The following SNX4 variants were observed in gnomAD, a reference collection of about 807,000 sequenced individuals.
The protein encoded by SNX4 is sorting nexin-4.
In SNX4, 49 loss-of-function variants were observed where a neutral mutation model predicts 70.8. The observed-to-expected ratio is 0.69, with a 90% CI of 0.55 to 0.88. SNX4 has a LOEUF of 0.88. Ranked by LOEUF, SNX4 falls within the 40% of genes least tolerant of loss-of-function variation. SNX4 has a pLI of 0.00. For synonymous variants in SNX4, 206 were observed against 183.8 expected, an observed-to-expected ratio of 1.12 and a Z score of -0.98; for missense variants, 528 against 544.8, an observed-to-expected ratio of 0.97 and a Z score of 0.31.
intron 1 of SNX4, among the ~76,000 whole-genome samples, chr3:125,505,554 A>C (rs72977771): frequency 2.4e-3 from 369 of 152,328 alleles, no homozygotes; most frequent in African/African-American, 8.6e-3. Flanking sequence ...TTCCTGGAAC[A>C]GCCTGATGCA....
At chr3:125,477,418 T>G (rs1934311837) in intron 7 of SNX4, among the ~76,000 whole-genome samples, 4 of 152,172 alleles carry the variant, frequency 2.6e-5, no homozygotes, top group Admixed American at 6.5e-5. Context: ...TTCACAGAAA[T>G]TTTACAAGTT....
intron 6 of SNX4, among the ~76,000 whole-genome samples, chr3:125,489,203 A>C (rs879669665): frequency 2.6e-5 from 4 of 152,218 alleles, no homozygotes; most frequent in Non-Finnish European, 4.4e-5. Flanking sequence ...GCAATGGTTT[A>C]ATTTTATAAA....
intron 7 of SNX4, among the ~76,000 whole-genome samples, chr3:125,477,773 G>A (rs1344439896): frequency 1.3e-5 from 2 of 152,130 alleles, no homozygotes; most frequent in Non-Finnish European, 2.9e-5. Context: ...CACTAGACTA[G>A]GGGTTAACAC....
Position 125,459,453 on chromosome 3 carries a change from T to G in SNX4, c.944+1318A>C, listed in dbSNP as rs1447062240. Among the ~76,000 whole-genome samples the G allele has an allele frequency of 2.6e-5, 4 of 152,300 alleles. No homozygotes were observed. In the East Asian group the frequency reaches 7.7e-4, roughly 29 times the overall value. ...CCACTGTACTCAGCAACTTTCTTTT[T>G]TGAGACAGAATCTCACTCTGTCACC... On this transcript the variant is annotated intron_variant, in intron 10 of 13. Transcript: ENST00000251775.
intron 6 of SNX4, among the ~76,000 whole-genome samples, chr3:125,487,198 A>C (rs993920129): frequency 2.6e-5 from 4 of 152,206 alleles, no homozygotes; most frequent in Non-Finnish European, 5.9e-5. Context: ...GAGATTCTAC[A>C]TATTAAGAAT....
chr3:125,480,199 A>C, intron 7 of SNX4, 48 bp downstream of exon 7: 1 of 1,140,204 alleles, frequency 8.8e-7, no homozygotes, highest in Non-Finnish European at 1.2e-6. Flanking sequence ...TTACATGAGA[A>C]GCACTTCCTT....
intron 7 of SNX4, among the ~76,000 whole-genome samples, chr3:125,479,023 A>G (rs1485586009): frequency 6.6e-6 from 1 of 152,248 alleles, no homozygotes; most frequent in Non-Finnish European, 1.5e-5. Flanking sequence ...ACGGGAGATC[A>G]AGACAATATA....
chr3:125,501,706 C>A (rs1463607972), intron 2 of SNX4, among the ~76,000 whole-genome samples: 2 of 152,020 alleles, frequency 1.3e-5, no homozygotes, highest in African/African-American at 4.8e-5. Flanking sequence ...GGCCCTACCC[C>A]AAATCCTGCA....
intron 11 of SNX4, among the ~76,000 whole-genome samples, chr3:125,455,471 C>A (rs1427095932): frequency 6.6e-6 from 1 of 152,152 alleles, no homozygotes; most frequent in Non-Finnish European, 1.5e-5. Context: ...GGGAAGGCAA[C>A]CCCAAGCTTC....
At chr3:125,508,641 C>G (rs1935101625) in intron 1 of SNX4, among the ~76,000 whole-genome samples, 1 of 151,500 alleles carries the variant, frequency 6.6e-6, no homozygotes, top group Non-Finnish European at 1.5e-5. Context: ...TACTACAAAG[C>G]TACAGTAATA....
intron 8 of SNX4, 71 bp from the exon 9 acceptor site, chr3:125,469,590 T>G (rs1282831065): frequency 1.9e-6 from 2 of 1,055,186 alleles, no homozygotes; most frequent in East Asian, 4.8e-5. Flanking sequence ...TGGACTCTTT[T>G]CAAGATTCTT....
chr3:125,451,094 C>T (rs1266650165), intron 13 of SNX4, among the ~76,000 whole-genome samples: 3 of 151,646 alleles, frequency 2.0e-5, no homozygotes, highest in Non-Finnish European at 2.9e-5. Context: ...AGCGAGACCC[C>T]CCCATATCTA....
At chr3:125,468,499 G>A (rs369720029) in intron 9 of SNX4, among the ~76,000 whole-genome samples, 3 of 151,844 alleles carry the variant, frequency 2.0e-5, no homozygotes, top group East Asian at 1.9e-4. Flanking sequence ...CCAGAAGTTT[G>A]AGACCAGCCT....
intron 6 of SNX4, among the ~76,000 whole-genome samples, chr3:125,488,870 A>G (rs935351280): frequency 6.6e-6 from 1 of 152,246 alleles, no homozygotes; most frequent in Non-Finnish European, 1.5e-5. Flanking sequence ...TTAAAGATTA[A>G]GCAAAACCAA....
At chr3:125,514,399 T>C (rs1935231816) in intron 1 of SNX4, among the ~76,000 whole-genome samples, 1 of 150,812 alleles carries the variant, frequency 6.6e-6, no homozygotes, top group African/African-American at 2.4e-5. Flanking sequence ...CTTTTTTTTT[T>C]TTTTTTTTTT....
At chr3:125,505,134 T>C (rs187724904) in intron 1 of SNX4, among the ~76,000 whole-genome samples, 14 of 152,292 alleles carry the variant, frequency 9.2e-5, no homozygotes, top group Admixed American at 3.3e-4. Flanking sequence ...CATGCTCAAC[T>C]GACTTTGGTA....
intron 8 of SNX4, among the ~76,000 whole-genome samples, chr3:125,473,244 A>T (rs1164722216): frequency 6.6e-6 from 1 of 152,096 alleles, no homozygotes; most frequent in African/African-American, 2.4e-5. Context: ...CACATCCATG[A>T]GTAGGGACTT....
intron 13 of SNX4, among the ~76,000 whole-genome samples, chr3:125,449,534 C>A (rs1031022250): frequency 3.3e-5 from 5 of 151,982 alleles, no homozygotes; most frequent in Non-Finnish European, 5.9e-5. Flanking sequence ...TAGCTAGGAT[C>A]ACATATAAAA....
At chr3:125,504,777 C>T (rs914849360) in intron 1 of SNX4, 33 bp from the exon 2 acceptor site, 1 of 1,602,980 alleles carries the variant, frequency 6.2e-7, no homozygotes, top group Admixed American at 1.7e-5. Context: ...ACAACAACAA[C>T]AAAAACCTTT....
Sources: gnomAD v4.1 joint callset for allele counts (sites outside exome capture counted in the v4.1 genomes callset) on GRCh38, gnomAD v4.1.1 for gene constraint, MANE v1.5 for transcripts, NCBI Gene and HGNC (gene_info 2026-07-23, HGNC 2026-07-21) for gene names.